UBE2G2: variants seen among roughly 807,000 people sequenced by gnomAD.
UBE2G2 encodes ubiquitin conjugating enzyme E2 G2, also known as ubiquitin-conjugating enzyme E2 G2.
Under a neutral mutation model 23.0 loss-of-function variants are expected in UBE2G2, and 10 were observed. The ratio of observed to expected loss-of-function variants is 0.43; its 90% confidence interval spans 0.27 to 0.74. UBE2G2 has a LOEUF of 0.74. UBE2G2 is among the 30% of genes least tolerant of loss of function. The probability of loss-of-function intolerance (pLI) is 0.19; values close to 1 mark genes in which losing one functional copy is unlikely to be tolerated. For missense variants in UBE2G2, 150 were observed against 218.3 expected, an observed-to-expected ratio of 0.69 and a Z score of 1.97; for synonymous variants, 86 against 81.3, an observed-to-expected ratio of 1.06 and a Z score of -0.31.
At chr21:44,775,358 C>A (rs1270857534) in intron 4 of UBE2G2, 12 of 152,400 alleles carry the variant, frequency 7.9e-5, no homozygotes, top group African/African-American at 2.9e-4. Flanking sequence ...CTATCAATGT[C>A]CATCCCTGTC....
intron 1 of UBE2G2, among the ~76,000 whole-genome samples, chr21:44,788,794 C>T (rs2083020681): frequency 6.7e-6 from 1 of 148,382 alleles, no homozygotes; most frequent in Non-Finnish European, 1.5e-5. Context: ...ATTAATAAAA[C>T]AGTAAGCAAA....
chr21:44,775,989 C>T (rs2146385388), intron 4 of UBE2G2, among the ~76,000 whole-genome samples: 1 of 152,234 alleles, frequency 6.6e-6, no homozygotes, highest in African/African-American at 2.4e-5. Flanking sequence ...AAAAGAAGTA[C>T]CAAATGGTCT....
chr21:44,786,529 A>G (rs1357174523), intron 3 of UBE2G2, among the ~76,000 whole-genome samples: 2 of 152,214 alleles, frequency 1.3e-5, no homozygotes, highest in East Asian at 3.8e-4. Context: ...GTTTATCCAA[A>G]ATACTAATTT....
At chr21:44,799,299 T>C (rs1569303321) in intron 1 of UBE2G2, among the ~76,000 whole-genome samples, 1 of 152,256 alleles carries the variant, frequency 6.6e-6, no homozygotes, top group Admixed American at 6.5e-5. Context: ...AGTCGCCCTG[T>C]CCTTTGAAGC....
intron 1 of UBE2G2, among the ~76,000 whole-genome samples, chr21:44,794,097 A>T (rs1312027671): frequency 6.6e-6 from 1 of 152,216 alleles, no homozygotes; most frequent in Non-Finnish European, 1.5e-5. Context: ...ATCCAATCTG[A>T]CTAATATCCT....
intron 3 of UBE2G2, among the ~76,000 whole-genome samples, chr21:44,786,187 C>T (rs1555961965): frequency 6.6e-6 from 1 of 152,120 alleles, no homozygotes; most frequent in Admixed American, 6.5e-5. Context: ...GGCATGAGTG[C>T]AGGTGCGCCT....
chr21:44,786,337 C>T (rs1476655417), intron 3 of UBE2G2, among the ~76,000 whole-genome samples: 1 of 152,192 alleles, frequency 6.6e-6, no homozygotes, highest in Non-Finnish European at 1.5e-5. Context: ...CTGTGGGACT[C>T]GCCATCCATC....
At chr21:44,798,140 A>C (rs2083108332) in intron 1 of UBE2G2, among the ~76,000 whole-genome samples, 1 of 152,246 alleles carries the variant, frequency 6.6e-6, no homozygotes, top group Non-Finnish European at 1.5e-5. Flanking sequence ...TGGGTGACAG[A>C]GCAAGACCCT....
At chr21:44,790,421 C>T (rs1477914504) in intron 1 of UBE2G2, among the ~76,000 whole-genome samples, 1 of 152,162 alleles carries the variant, frequency 6.6e-6, no homozygotes, top group Non-Finnish European at 1.5e-5. Context: ...CTGGAAACAA[C>T]CCAAATGTCC....
intron 3 of UBE2G2, among the ~76,000 whole-genome samples, chr21:44,786,261 GAAAT>G (rs2082995867): frequency 6.6e-6 from 1 of 152,142 alleles, no homozygotes; most frequent in African/African-American, 2.4e-5. Flanking sequence ...TGCTTCTACA[GAAAT>G]AAAAAGAGCT....
intron 3 of UBE2G2, among the ~76,000 whole-genome samples, chr21:44,784,584 G>A (rs1203135167): frequency 6.6e-6 from 1 of 152,154 alleles, no homozygotes; most frequent in Non-Finnish European, 1.5e-5. Flanking sequence ...GAGATGCCCT[G>A]TGACAGTCTT....
chr21:44,794,537 G>GA (rs373324248), intron 1 of UBE2G2, among the ~76,000 whole-genome samples: 6 of 136,492 alleles, frequency 4.4e-5, no homozygotes, highest in Non-Finnish European at 7.8e-5. Flanking sequence ...TTCTTTTTTT[G>GA]TTTTTTTTTT....
chr21:44,779,554 G>A (rs149833479), intron 3 of UBE2G2, among the ~76,000 whole-genome samples: 28 of 151,958 alleles, frequency 1.8e-4, no homozygotes, highest in Middle Eastern at 3.4e-3. Flanking sequence ...GCCTGGGGAC[G>A]CCTCAAGCCT....
At chr21:44,799,099 C>T (rs1555964322) in intron 1 of UBE2G2, among the ~76,000 whole-genome samples, 2 of 152,142 alleles carry the variant, frequency 1.3e-5, no homozygotes, top group East Asian at 3.8e-4. Flanking sequence ...AGCAGTAGGT[C>T]TCAACAGTGG....
chr21:44,774,669 G>A (rs1266322789), intron 4 of UBE2G2: 8 of 455,396 alleles, frequency 1.8e-5, no homozygotes, highest in Non-Finnish European at 3.1e-5. Flanking sequence ...TCCAGGAACT[G>A]AACCACAACT....
chr21:44,785,387 C>G (rs1433551355), intron 3 of UBE2G2, among the ~76,000 whole-genome samples: 1 of 152,246 alleles, frequency 6.6e-6, no homozygotes, highest in African/African-American at 2.4e-5. Context: ...ATTCTCCATC[C>G]TAATCCCTCA....
intron 1 of UBE2G2, among the ~76,000 whole-genome samples, chr21:44,788,540 C>T (rs113756515): frequency 0.083 from 12,690 of 152,114 alleles, 612 homozygotes; most frequent in South Asian, 0.1. Context: ...CCGCCAGCCT[C>T]GGCCTCCCAA....
intron 1 of UBE2G2, among the ~76,000 whole-genome samples, chr21:44,795,244 C>CAGAG (rs1327606089): frequency 1.3e-5 from 2 of 151,940 alleles, no homozygotes; most frequent in East Asian, 3.9e-4. Flanking sequence ...GCCTGGATGA[C>CAGAG]AGAGAGAGCA....
intron 1 of UBE2G2, among the ~76,000 whole-genome samples, chr21:44,791,267 T>C (rs2146401225): frequency 6.6e-6 from 1 of 152,288 alleles, no homozygotes; most frequent in African/African-American, 2.4e-5. Context: ...CAAATATTAA[T>C]CGCCAAGACA....
Sources: gnomAD v4.1 joint callset for allele counts (sites outside exome capture counted in the v4.1 genomes callset) on GRCh38, gnomAD v4.1.1 for gene constraint, MANE v1.5 for transcripts, NCBI Gene and HGNC (gene_info 2026-07-23, HGNC 2026-07-21) for gene names.